The following KRT13 variants were observed in gnomAD, a reference collection of about 807,000 sequenced individuals.
The protein encoded by KRT13 is keratin 13.
A neutral mutation model predicts 40.6 loss-of-function variants in KRT13; 27 were observed. That is an observed-to-expected ratio of 0.67 (90% CI 0.49 to 0.92). The LOEUF (loss-of-function observed/expected upper bound fraction) is 0.92, where lower values mean the gene tolerates loss of function less well. Among genes scored for constraint, KRT13 ranks in the 40% least tolerant of loss-of-function variants. The pLI is 0.00. For synonymous variants in KRT13, 266 were observed against 240.3 expected (o/e 1.11, Z -0.99); for missense variants, 605 against 611.5 (o/e 0.99, Z 0.11).
chr17:41,502,366 G>T lies in KRT13; in HGVS notation c.1244+8C>A. Reference sequence around the variant, plus strand: ...ACTATCCTAAGAAAGAGGCTGGAGAGGACCTACTTGGCGTCCTGGCCCTCG... The same window carrying T: ...ACTATCCTAAGAAAGAGGCTGGAGATGACCTACTTGGCGTCCTGGCCCTCG... On this transcript the variant is annotated splice_region_variant and intron_variant, in intron 6 of 7. Transcript: ENST00000246635. 6.2e-7 allele frequency: 1 copy of T among 1,614,140 alleles called. No individual in the cohort carries two copies. Among genetic ancestry groups the T allele is most frequent in the Non-Finnish European group, 8.5e-7 (1 of 1,180,034 alleles).
Position 41,502,570 on chromosome 17 carries a change from C to T in KRT13, c.1048G>A (p.Ala350Thr). Residue 350 changes from alanine (A) to threonine (T), a missense_variant, in exon 6 of 8, where the codon GCA (alanine) becomes ACA (threonine). Coordinates refer to ENST00000246635, the MANE Select transcript of KRT13 (RefSeq NM_153490.3). ...SMKAGLENTV[A>T]ETECRYALQL... ...AGGGCATAGCGGCACTCCGTCTCTG[C>T]CACCGTGTTCTCCAGCCCCGCTTTC... 3 of 1,613,738 alleles carry T rather than the reference C, an allele frequency of 1.9e-6. No individual in the cohort carries two copies. The highest frequency in any genetic ancestry group is 1.7e-6 in the Non-Finnish European group (2 of 1,180,024).
intron 6 of KRT13, chr17:41,501,969 A>G: frequency 2.1e-6 from 3 of 1,437,430 alleles, no homozygotes; most frequent in African/African-American, 1.4e-5. Context: ...AGATATTATT[A>G]GCCACAAGAT....
In KRT13 at chr17:41,503,760, TG is replaced by T. The variant is rs765210698; in HGVS notation, c.496-36del. ...GCAGAAGAAGGTAACCTCTAGGGCA[TG>T]GGTGTCCAGTCTGTTGGCTTCCCTG... On this transcript the variant is annotated intron_variant, in intron 1 of 7. Transcript: ENST00000246635. 1.7e-4 allele frequency: 261 copies of T among 1,562,548 alleles called. 2 individuals are homozygous for T. The Admixed American group carries it at 4.3e-3, about 26-fold the overall frequency.
In KRT13 at chr17:41,503,303, T is replaced by C; in HGVS notation, c.719A>G (p.Lys240Arg). Residue 240 changes from lysine (K) to arginine (R), a missense_variant, in exon 3 of 8, where the codon AAG becomes AGG. By Grantham distance (26) the Lys-to-Arg change is conservative (BLOSUM62 2). Transcript: ENST00000246635. Reference protein sequence around the residue: ...ESLNEELAYMKKNHEEEMKEF... With the variant: ...ESLNEELAYMRKNHEEEMKEF... ...CCCGCTCACCTCTTCATGGTTCTTC[T>C]TCATGTAGGCTAGCTCTTCATTCAG... 6.2e-7 allele frequency: 1 copy of C among 1,614,234 alleles called. No homozygotes were observed.
At position 41,505,557 on chromosome 17, in the gene KRT13, A is replaced by G. The variant is rs1390755040; in HGVS notation, c.-7T>C. The G allele has an allele frequency of 6.2e-7, 1 of 1,614,180 alleles. No individual in the cohort carries two copies. Among genetic ancestry groups the G allele is most frequent in the Non-Finnish European group, 8.5e-7 (1 of 1,180,030 alleles). On this transcript the variant is annotated 5_prime_UTR_variant, in exon 1 of 8. Transcript: ENST00000246635. Reference sequence around the variant, plus strand: ...TCTGCAGGCGGAGGCTCATGGTGAGAGCAGGATTGAGAGCAGGTGCAGATA... The same window carrying G: ...TCTGCAGGCGGAGGCTCATGGTGAGGGCAGGATTGAGAGCAGGTGCAGATA...
intron 2 of KRT13, 68 bp from the exon 3 acceptor site, chr17:41,503,511 T>C: frequency 6.3e-7 from 1 of 1,577,160 alleles, no homozygotes; most frequent in Non-Finnish European, 8.7e-7. Context: ...ACATTCTCCC[T>C]ACCCCTGCAC....
chr17:41,501,330 TGG>T lies in KRT13; in HGVS notation c.1301_1302del (p.Thr434AsnfsTer4). The T allele has an allele frequency of 6.4e-7, 1 of 1,573,576 alleles. No individual in the cohort carries two copies. The highest frequency in any genetic ancestry group is 8.6e-7 in the Non-Finnish European group (1 of 1,159,318). ...GSVSPRSTSV[T>X]TTSSASVTTT... is the part of the protein sequence containing the mutation. ...GTGGTAACAGAGGCACTAGAAGTCG[TGG>T]TAACAGAGGTGCTACGGGGGCTGAC... is the stretch of plus-strand genomic sequence containing the variant. On this transcript the variant is annotated frameshift_variant, in exon 8 of 8. Coordinates refer to ENST00000246635, the MANE Select transcript of KRT13 (RefSeq NM_153490.3). LOFTEE classifies it low-confidence loss of function (END_TRUNC).
In KRT13 at chr17:41,505,492, G is replaced by A. The variant is rs1351013176; in HGVS notation, c.59C>T (p.Ser20Phe). 1.2e-6 allele frequency: 2 copies of A among 1,614,258 alleles called. No individual in the cohort carries two copies. The highest frequency in any genetic ancestry group is 2.2e-5 in the East Asian group (1 of 44,888). The change falls in exon 1 of 8, where the codon TCT (serine) becomes TTT (phenylalanine). Residue 20 changes from serine (S) to phenylalanine (F), a missense_variant. Ser to Phe is a radical substitution (Grantham distance 155). Coordinates refer to ENST00000246635, the MANE Select transcript of KRT13 (RefSeq NM_153490.3). ...ACCACGGCCTCCTCCCAGCTGGCAA[G>A]AGCCACCCCCGAAACCACCTCCATA... The part of the protein sequence containing the change: ...ASYGGGFGGG[S>F]CQLGGGRGVS...
chr17:41,503,845 T>C (rs1904964779), intron 1 of KRT13, 120 bp from the exon 2 acceptor site: 3 of 764,590 alleles, frequency 3.9e-6, no homozygotes, highest in East Asian at 4.9e-5. Flanking sequence ...ACACTAACGA[T>C]AGCTGATGGG....
chr17:41,501,625 G>A (rs2144502014), intron 7 of KRT13, 94 bp downstream of exon 7: 1 of 1,544,526 alleles, frequency 6.5e-7, no homozygotes, highest in East Asian at 2.4e-5. Context: ...GCCCAGCACT[G>A]GCTCCCTCCC....
In KRT13 at chr17:41,505,524, A is replaced by C; in HGVS notation, c.27T>G (p.Ser9=). 1 of 1,614,256 alleles carries C rather than the reference A, an allele frequency of 6.2e-7. No homozygotes were observed. Among genetic ancestry groups the C allele is most frequent in the Non-Finnish European group, 8.5e-7 (1 of 1,180,042 alleles). The change falls in exon 1 of 8, where the codon TCT becomes TCG. Residue 9 remains serine (S), a synonymous_variant. Coordinates refer to ENST00000246635, the MANE Select transcript of KRT13 (RefSeq NM_153490.3). The part of the protein sequence containing the change: MSLRLQSS[S]ASYGGGFGGG... The stretch of plus-strand genomic sequence containing the variant: ...CCCCGAAACCACCTCCATAGCTGGC[A>C]GAGGAGCTCTGCAGGCGGAGGCTCA...
chr17:41,501,283 G>A lies in KRT13; in HGVS notation c.1350C>T (p.Arg450=), dbSNP rs140142101. The change falls in exon 8 of 8, where the codon CGC becomes CGT. Residue 450 remains arginine (R), a synonymous_variant. Transcript: ENST00000246635. ...SVTTTSNASG[R]RTSDVRRP ...AAGGCCTACGGACATCAGAAGTGCGGCGACCAGAGGCATTAGAGGTGGTGG... is the reference window on the plus strand; with the variant it reads ...AAGGCCTACGGACATCAGAAGTGCGACGACCAGAGGCATTAGAGGTGGTGG... 116 of 1,571,738 alleles carry A rather than the reference G, an allele frequency of 7.4e-5. No homozygotes were observed. Among genetic ancestry groups the A allele is most frequent in the Non-Finnish European group, 9.2e-5 (107 of 1,158,160 alleles).
At position 41,502,554 on chromosome 17, in the gene KRT13, C is replaced by T. The variant is rs148296285; in HGVS notation, c.1064G>A (p.Arg355His). The T allele has an allele frequency of 2.2e-4, 361 of 1,613,674 alleles. No individual in the cohort carries two copies. The highest frequency in any genetic ancestry group is 2.1e-3 in the African/African-American group (157 of 74,926). ...GATCTGCTGCAGCTGCAGGGCATAG[C>T]GGCACTCCGTCTCTGCCACCGTGTT... is the stretch of plus-strand genomic sequence containing the variant. ...LENTVAETECRYALQLQQIQG... is the reference protein window; with the variant it reads ...LENTVAETECHYALQLQQIQG... The change falls in exon 6 of 8, where the codon CGC (arginine) becomes CAC (histidine). Residue 355 changes from arginine to histidine, a missense_variant. Transcript: ENST00000246635.
intron 4 of KRT13, 57 bp from the exon 5 acceptor site, chr17:41,502,869 A>C: frequency 3.1e-6 from 5 of 1,614,098 alleles, no homozygotes; most frequent in Middle Eastern, 1.6e-4. Flanking sequence ...AGCCTGACCA[A>C]GAGGCTGTGT....
In KRT13 at chr17:41,502,383, T is replaced by C. The variant is rs1342477838; in HGVS notation, c.1235A>G (p.Gln412Arg). 4 of 1,614,220 alleles carry C rather than the reference T, an allele frequency of 2.5e-6. No homozygotes were observed. Among genetic ancestry groups the C allele is most frequent in the Non-Finnish European group, 3.4e-6 (4 of 1,180,038 alleles). Residue 412 changes from glutamine to arginine, a missense_variant, in exon 6 of 8, where the codon CAG becomes CGG. Physicochemically the swap from Gln to Arg is conservative, Grantham distance 43. Transcript: ENST00000246635. ...GCTGGAGAGGACCTACTTGGCGTCC[T>C]GGCCCTCGAGCAGGCTGCGGTAGGT... ...IATYRSLLEG[Q>R]DAKMIGFPSS...
At chr17:41,503,531 G>A (rs1904945247) in intron 2 of KRT13, 88 bp from the exon 3 acceptor site, 3 of 1,547,572 alleles carry the variant, frequency 1.9e-6, no homozygotes, top group Non-Finnish European at 2.7e-6. Flanking sequence ...CGAGACTCCA[G>A]TACTTCCAGA....
intron 1 of KRT13, 28 bp from the exon 2 acceptor site, chr17:41,503,753 T>G: frequency 1.3e-6 from 2 of 1,587,194 alleles, no homozygotes; most frequent in Non-Finnish European, 1.7e-6. Flanking sequence ...AGGTAACCTC[T>G]AGGGCATGGG....
Position 41,502,683 on chromosome 17 carries a change from A to G in KRT13, c.1023+4T>C, listed in dbSNP as rs748299083. On this transcript the variant is annotated splice_donor_region_variant and intron_variant, in intron 5 of 7. Coordinates refer to ENST00000246635, the MANE Select transcript of KRT13 (RefSeq NM_153490.3). ...CGCCACCGGGCAGGAGGCTGCAGGC[A>G]TACCATGCTCAGCTGGGACTGCAGC... is the stretch of plus-strand genomic sequence containing the variant. 1.2e-6 allele frequency: 2 copies of G among 1,613,952 alleles called. No individual in the cohort carries two copies. The highest frequency in any genetic ancestry group is 1.7e-6 in the Non-Finnish European group (2 of 1,180,034).
Position 41,502,810 on chromosome 17 carries a change from A to T in KRT13, c.900T>A (p.Ser300Arg), listed in dbSNP as rs1229033776. ...RDAEEWFHTK[S>R]AELNKEVSTN... ...TAGACACCTCCTTGTTCAGCTCTGCACTCTGAAATGCAAGCAGGAAGAAGG... is the reference window on the plus strand; with the variant it reads ...TAGACACCTCCTTGTTCAGCTCTGCTCTCTGAAATGCAAGCAGGAAGAAGG... The change falls in exon 5 of 8, where the codon AGT (serine) becomes AGA (arginine). Residue 300 changes from serine (S) to arginine (R), a missense_variant and splice_region_variant. By Grantham distance (110) the Ser-to-Arg change is moderately radical. Transcript: ENST00000246635. 2 of 1,613,900 alleles carry T rather than the reference A, an allele frequency of 1.2e-6. No individual in the cohort carries two copies. The highest frequency in any genetic ancestry group is 1.7e-6 in the Non-Finnish European group (2 of 1,180,010).
Sources: gnomAD v4.1 joint callset for allele counts on GRCh38, gnomAD v4.1.1 for gene constraint, MANE v1.5 for transcripts, NCBI Gene and HGNC (gene_info 2026-07-23, HGNC 2026-07-21) for gene names.